The following GNG12 variants were observed in gnomAD, a reference collection of about 807,000 sequenced individuals.
GNG12 encodes guanine nucleotide-binding protein G(I)/G(S)/G(O) subunit gamma-12.
For missense variants in GNG12, 69 were observed against 83.8 expected (o/e 0.82, Z 0.69); for synonymous variants, 28 against 29.7 (o/e 0.94, Z 0.19).
intron 2 of GNG12, among the ~76,000 whole-genome samples, chr1:67,748,481 A>C (rs1347540272): frequency 6.6e-6 from 1 of 152,246 alleles, no homozygotes; most frequent in African/African-American, 2.4e-5. Context: ...CTTTAAAAGA[A>C]GTAGCAAGAA....
In GNG12 at chr1:67,702,832, T is replaced by C. The variant is rs951686174; in HGVS notation, c.*2619A>G. The C allele has an allele frequency of 1.3e-5, 2 of 152,202 alleles. No individual in the cohort carries two copies. Among genetic ancestry groups the C allele is most frequent in the African/African-American group, 4.8e-5 (2 of 41,452 alleles). The allele number at this position is 152,202 out of a possible 1,614,324, so 9.4% of individuals were successfully genotyped here. A position where few individuals can be genotyped will look rare whatever the true frequency, so the allele number is the denominator to read the frequency against. The stretch of plus-strand genomic sequence containing the variant: ...AAGCAGCATTAAGGACAAAGTATAC[T>C]GAATATATTGAAACAGCTTCATGGA... On this transcript the variant is annotated 3_prime_UTR_variant, in exon 4 of 4. Coordinates refer to ENST00000370982, the MANE Select transcript of GNG12 (RefSeq NM_018841.6).
At chr1:67,718,834 G>T (rs931614429) in intron 2 of GNG12, among the ~76,000 whole-genome samples, 3 of 152,138 alleles carry the variant, frequency 2.0e-5, no homozygotes, top group African/African-American at 7.2e-5. Flanking sequence ...TCACACTCAA[G>T]ATCCTCTCTA....
chr1:67,713,676 A>T (rs550198721), intron 2 of GNG12, among the ~76,000 whole-genome samples: 2 of 152,184 alleles, frequency 1.3e-5, no homozygotes, highest in East Asian at 3.9e-4. Flanking sequence ...AAAAAAAGCC[A>T]CTGGCTCCCA....
At chr1:67,726,360 T>C (rs534573658) in intron 2 of GNG12, among the ~76,000 whole-genome samples, 1 of 152,366 alleles carries the variant, frequency 6.6e-6, no homozygotes, top group African/African-American at 2.4e-5. Context: ...TGCTGATTTA[T>C]CATGAGTCAC....
At chr1:67,722,559 G>A (rs1003164353) in intron 2 of GNG12, among the ~76,000 whole-genome samples, 8 of 151,318 alleles carry the variant, frequency 5.3e-5, no homozygotes, top group Non-Finnish European at 8.8e-5. Flanking sequence ...AAGACAGATG[G>A]AGGAGAGAGG....
At chr1:67,789,007 T>C (rs527966059) in intron 1 of GNG12, among the ~76,000 whole-genome samples, 1 of 152,332 alleles carries the variant, frequency 6.6e-6, no homozygotes, top group African/African-American at 2.4e-5. Flanking sequence ...GCTACAGTGC[T>C]GTTGACTAAA....
chr1:67,800,071 T>C (rs1390558116), intron 1 of GNG12, among the ~76,000 whole-genome samples: 12 of 152,214 alleles, frequency 7.9e-5, no homozygotes, highest in African/African-American at 1.9e-4. Context: ...GCTGAAATCC[T>C]TTCAATGAAC....
chr1:67,782,287 C>T (rs1646742030), intron 1 of GNG12, among the ~76,000 whole-genome samples: 1 of 152,146 alleles, frequency 6.6e-6, no homozygotes, highest in South Asian at 2.1e-4. Flanking sequence ...TAAAGTAATA[C>T]TATATGTGTC....
chr1:67,753,520 C>T (rs995571977), intron 2 of GNG12, among the ~76,000 whole-genome samples: 4 of 152,176 alleles, frequency 2.6e-5, no homozygotes, highest in African/African-American at 9.7e-5. Context: ...GAGTGGTGGG[C>T]AGGCCAGCCA....
At chr1:67,708,489 G>A (rs573960408) in intron 2 of GNG12, among the ~76,000 whole-genome samples, 7 of 152,268 alleles carry the variant, frequency 4.6e-5, no homozygotes, top group South Asian at 2.1e-4. Flanking sequence ...TCATATGTTC[G>A]TGGATTGATT....
chr1:67,729,481 G>A (rs534174998), intron 2 of GNG12, among the ~76,000 whole-genome samples: 3 of 152,162 alleles, frequency 2.0e-5, no homozygotes, highest in South Asian at 4.2e-4. Context: ...TTGCCCACTC[G>A]CAACCAGAGG....
At chr1:67,808,038 A>G (rs1200284413) in intron 1 of GNG12, among the ~76,000 whole-genome samples, 1 of 152,102 alleles carries the variant, frequency 6.6e-6, no homozygotes, top group East Asian at 1.9e-4. Flanking sequence ...TCATGAATGA[A>G]GATGCAAAAA....
intron 2 of GNG12, among the ~76,000 whole-genome samples, chr1:67,760,556 G>A (rs140583183): frequency 3.9e-5 from 6 of 152,242 alleles, no homozygotes; most frequent in Admixed American, 1.3e-4. Context: ...CTGATGGATC[G>A]TGTTCAAGGC....
Position 67,724,443 on chromosome 1 carries a change from G to A in GNG12, c.-26-16731C>T, listed in dbSNP as rs149224266. On this transcript the variant is annotated intron_variant, in intron 2 of 3. Coordinates refer to ENST00000370982, the MANE Select transcript of GNG12 (RefSeq NM_018841.6). ...TCTCACTCTGTCGCCAGGCTGGAGT[G>A]CAGTGGCGTGATCTTGGCTCACTGC... Among the ~76,000 whole-genome samples the A allele has an allele frequency of 7.4e-4, 112 of 152,342 alleles. 1 individual carries two copies. In the East Asian group the frequency reaches 0.015, roughly 20 times the overall value.
intron 2 of GNG12, among the ~76,000 whole-genome samples, chr1:67,722,594 G>T (rs1241349801): frequency 6.6e-6 from 1 of 151,586 alleles, no homozygotes; most frequent in Non-Finnish European, 1.5e-5. Flanking sequence ...ATCCTTGAAG[G>T]GTAGGAACTT....
chr1:67,760,605 A>T (rs1314075087), intron 2 of GNG12, among the ~76,000 whole-genome samples: 1 of 152,224 alleles, frequency 6.6e-6, no homozygotes, highest in Non-Finnish European at 1.5e-5. Flanking sequence ...CGACTTGCCT[A>T]AAGTCAAAGC....
At chr1:67,775,050 A>G (rs1646697130) in intron 2 of GNG12, among the ~76,000 whole-genome samples, 1 of 152,174 alleles carries the variant, frequency 6.6e-6, no homozygotes, top group Non-Finnish European at 1.5e-5. Context: ...CTACCATTTG[A>G]TCACTCACTG....
intron 1 of GNG12, among the ~76,000 whole-genome samples, chr1:67,804,412 G>T (rs532756347): frequency 6.6e-6 from 1 of 152,098 alleles, no homozygotes; most frequent in African/African-American, 2.4e-5. Context: ...TACTTTCAGC[G>T]TGCACTGAGA....
At chr1:67,765,171 GCA>G (rs1230453665) in intron 2 of GNG12, among the ~76,000 whole-genome samples, 2 of 152,084 alleles carry the variant, frequency 1.3e-5, no homozygotes, top group African/African-American at 2.4e-5. Flanking sequence ...TAAAATGTAT[GCA>G]CACTCTTTTC....
Sources: allele counts gnomAD v4.1 joint callset (sites outside exome capture counted in the v4.1 genomes callset), GRCh38; gene constraint gnomAD v4.1.1; transcripts MANE v1.5; gene names NCBI Gene and HGNC (gene_info 2026-07-23, HGNC 2026-07-21).